CNGB3: variants seen among roughly 807,000 people sequenced by gnomAD.
CNGB3 encodes the protein cyclic nucleotide-gated channel beta-3.
CNGB3 carries 86 observed loss-of-function variants against 92.8 expected under a neutral mutation model. The ratio of observed to expected loss-of-function variants is 0.93; its 90% CI spans 0.78 to 1.11. CNGB3 has a LOEUF of 1.11. CNGB3 is among the 50% of genes least tolerant of loss of function. CNGB3 has a pLI of 0.00. For synonymous variants in CNGB3, 333 were observed against 332.7 expected, an observed-to-expected ratio of 1.00 and a Z score of -0.01; for missense variants, 1,026 against 956.8, an observed-to-expected ratio of 1.07 and a Z score of -0.95.
chr8:86,660,477 A>C, intron 6 of CNGB3: 1 of 521,654 alleles, frequency 1.9e-6, no homozygotes, highest in Non-Finnish European at 3.9e-6. Context: ...GAGAAAGATG[A>C]AAGGGAAAGG....
At chr8:86,721,322 C>G (rs1486192111) in intron 3 of CNGB3, among the ~76,000 whole-genome samples, 1 of 152,076 alleles carries the variant, frequency 6.6e-6, no homozygotes, top group Admixed American at 6.6e-5. Flanking sequence ...GAATGAAAAA[C>G]CAAACATTGT....
At chr8:86,606,154 T>G (rs1311005717) in intron 14 of CNGB3, among the ~76,000 whole-genome samples, 10 of 148,550 alleles carry the variant, frequency 6.7e-5, no homozygotes, top group Non-Finnish European at 1.0e-4. Context: ...TGGTTTTTTT[T>G]TTTTTTTTTT....
chr8:86,606,401 T>C (rs1197220616), intron 14 of CNGB3, among the ~76,000 whole-genome samples: 1 of 152,086 alleles, frequency 6.6e-6, no homozygotes, highest in Non-Finnish European at 1.5e-5. Context: ...TCCTGCCACC[T>C]TGGCCTCCCA....
chr8:86,614,847 G>T (rs1217332959), intron 13 of CNGB3, among the ~76,000 whole-genome samples: 1 of 141,662 alleles, frequency 7.1e-6, no homozygotes, highest in Non-Finnish European at 1.5e-5. Context: ...CTGGAACCCC[G>T]TGAGGGCAAG....
intron 3 of CNGB3, among the ~76,000 whole-genome samples, chr8:86,680,698 T>C (rs1824066168): frequency 6.6e-6 from 1 of 152,148 alleles, no homozygotes; most frequent in African/African-American, 2.4e-5. Flanking sequence ...GTTGGTCTTA[T>C]ACTACTCTTG....
intron 3 of CNGB3, among the ~76,000 whole-genome samples, chr8:86,690,966 G>A (rs1250059367): frequency 1.3e-5 from 2 of 152,186 alleles, no homozygotes; most frequent in African/African-American, 4.8e-5. Context: ...CTGTAGCCTT[G>A]TAGTATAGTT....
intron 15 of CNGB3, among the ~76,000 whole-genome samples, chr8:86,588,419 T>A (rs1237943791): frequency 2.4e-5 from 3 of 127,216 alleles, no homozygotes; most frequent in Admixed American, 8.0e-5. Flanking sequence ...CTTGTGCCAG[T>A]TTTCAAAGGG....
intron 3 of CNGB3, among the ~76,000 whole-genome samples, chr8:86,693,843 T>C (rs1435898724): frequency 4.6e-5 from 7 of 152,044 alleles, no homozygotes; most frequent in African/African-American, 1.7e-4. Flanking sequence ...CCATGTCTAC[T>C]TCTCTCTACA....
intron 1 of CNGB3, among the ~76,000 whole-genome samples, chr8:86,740,374 A>C (rs1349936142): frequency 6.6e-6 from 1 of 152,256 alleles, no homozygotes; most frequent in Non-Finnish European, 1.5e-5. Flanking sequence ...GGGCATAAAC[A>C]GGAAGTGGTC....
chr8:86,584,106 G>A (rs1207573365), intron 15 of CNGB3, among the ~76,000 whole-genome samples: 3 of 152,062 alleles, frequency 2.0e-5, no homozygotes, highest in African/African-American at 7.2e-5. Context: ...GAATACAAGG[G>A]AAATAAATTT....
At chr8:86,669,938 C>T (rs1313305710) in intron 4 of CNGB3, among the ~76,000 whole-genome samples, 1 of 152,008 alleles carries the variant, frequency 6.6e-6, no homozygotes, top group Non-Finnish European at 1.5e-5. Context: ...GCAACCTCTG[C>T]CTCCTGGGTT....
intron 13 of CNGB3, among the ~76,000 whole-genome samples, chr8:86,613,593 C>G (rs1409698383): frequency 1.3e-5 from 2 of 152,092 alleles, no homozygotes; most frequent in Non-Finnish European, 2.9e-5. Flanking sequence ...CTCTCAGTCA[C>G]TCATGTCCAT....
In CNGB3 at chr8:86,686,645, G is replaced by A. The variant is rs1824193785; in HGVS notation, c.339-15547C>T. Among the ~76,000 whole-genome samples, 5 of 76,216 alleles carry A rather than the reference G, an allele frequency of 6.6e-5. No homozygotes were observed. In the South Asian group the frequency reaches 3.0e-3, roughly 45 times the overall value. The allele number at this position is 76,216 out of a possible 152,430, so 50.0% of individuals were successfully genotyped here. A position where few individuals can be genotyped will look rare whatever the true frequency, so the allele number is the denominator to read the frequency against. On this transcript the variant is annotated intron_variant, in intron 3 of 17. Transcript: ENST00000320005. ...TTTCTAGCAGTAACCTAAATACAGGGTGTTCTGCATTGATAAGAGGCTGGG... is the reference window on the plus strand; with the variant it reads ...TTTCTAGCAGTAACCTAAATACAGGATGTTCTGCATTGATAAGAGGCTGGG...
intron 13 of CNGB3, among the ~76,000 whole-genome samples, chr8:86,617,617 A>G (rs1404654810): frequency 6.6e-6 from 1 of 152,208 alleles, no homozygotes; most frequent in Non-Finnish European, 1.5e-5. Flanking sequence ...TTTTAATATT[A>G]CTTCTAAGTA....
chr8:86,681,412 AAAAGTACACAAGG>A (rs1180473904), intron 3 of CNGB3, among the ~76,000 whole-genome samples: 3 of 152,220 alleles, frequency 2.0e-5, no homozygotes, highest in South Asian at 2.1e-4. Flanking sequence ...CAACAGGTGT[AAAAGTACACAAGG>A]AAAGTAAGAC....
At chr8:86,635,821 G>GATATATATATATAT (rs57486853) in intron 10 of CNGB3, among the ~76,000 whole-genome samples, 2 of 60,594 alleles carry the variant, frequency 3.3e-5, no homozygotes, top group Non-Finnish European at 5.9e-5. Flanking sequence ...TATAACACAT[G>GATATATATATATAT]ATATATATAT....
chr8:86,712,755 A>AT (rs10586111), intron 3 of CNGB3, among the ~76,000 whole-genome samples: 15 of 134,564 alleles, frequency 1.1e-4, no homozygotes, highest in Non-Finnish European at 1.6e-4. Flanking sequence ...TCCTGGCTTA[A>AT]TTTTTTTTTT....
At chr8:86,609,984 C>T (rs1360159196) in intron 14 of CNGB3, among the ~76,000 whole-genome samples, 2 of 152,156 alleles carry the variant, frequency 1.3e-5, no homozygotes, top group Admixed American at 6.6e-5. Flanking sequence ...CTTCTATTTT[C>T]CCTTTATACA....
intron 15 of CNGB3, among the ~76,000 whole-genome samples, chr8:86,597,016 G>A (rs1822185999): frequency 1.3e-5 from 2 of 151,822 alleles, no homozygotes; most frequent in Admixed American, 6.6e-5. Flanking sequence ...TCATACACTG[G>A]GGCCTGTCGG....
Sources: allele counts gnomAD v4.1 joint callset (sites outside exome capture counted in the v4.1 genomes callset), GRCh38; gene constraint gnomAD v4.1.1; transcripts MANE v1.5; gene names NCBI Gene and HGNC (gene_info 2026-07-23, HGNC 2026-07-21).